Variants in SRGAP2 observed in about 807,000 individuals in gnomAD.
The protein encoded by SRGAP2 is SLIT-ROBO Rho GTPase activating protein 2.
In SRGAP2, 15 loss-of-function variants were observed where a neutral mutation model predicts 57.2. That is an observed-to-expected ratio of 0.26 (90% CI 0.18 to 0.40). SRGAP2 has a LOEUF of 0.40. SRGAP2 is among the 10% of genes least tolerant of loss of function. The pLI, the probability that SRGAP2 is intolerant of heterozygous loss-of-function variation, is 1.00. For synonymous variants in SRGAP2, 249 were observed against 248.0 expected (o/e 1.00, Z -0.04); for missense variants, 520 against 669.6 (o/e 0.78, Z 2.47).
intron 4 of SRGAP2, among the ~76,000 whole-genome samples, chr1:206,358,920 G>A (rs1676674080): frequency 6.7e-6 from 1 of 149,804 alleles, no homozygotes; most frequent in Non-Finnish European, 1.5e-5. Flanking sequence ...TCCCAAAGCA[G>A]GTTACAATTT....
At chr1:206,425,018 GC>G (rs1439962280) in intron 13 of SRGAP2, among the ~76,000 whole-genome samples, 1 of 152,150 alleles carries the variant, frequency 6.6e-6, no homozygotes, top group Non-Finnish European at 1.5e-5. Context: ...TATTTTTCTT[GC>G]CCTGTTTCCT....
chr1:206,321,086 T>C (rs1673427469), intron 3 of SRGAP2, among the ~76,000 whole-genome samples: 1 of 145,066 alleles, frequency 6.9e-6, no homozygotes, highest in Non-Finnish European at 1.5e-5. Context: ...ATGCAATTCA[T>C]TCAATTGTCT....
chr1:206,446,306 G>T lies in SRGAP2; in HGVS notation c.2099+7G>T, dbSNP rs564155558. 1.3e-6 allele frequency: 1 copy of T among 780,602 alleles called. No individual in the cohort carries two copies. Among genetic ancestry groups the T allele is most frequent in the South Asian group, 1.3e-5 (1 of 74,616 alleles). The allele number at this position is 780,602 out of a possible 1,614,324, so 48.4% of individuals were successfully genotyped here. On this transcript the variant is annotated splice_region_variant and intron_variant, in intron 18 of 22. Transcript: ENST00000573034. ...GAAGCATGGAGGATTACTGGTAGGGGGGCTTGGGACGGGAGGAGGGGAGGG... is the reference window on the plus strand; with the variant it reads ...GAAGCATGGAGGATTACTGGTAGGGTGGCTTGGGACGGGAGGAGGGGAGGG...
At chr1:206,416,116 A>G (rs1659682473) in intron 11 of SRGAP2, 143 bp downstream of exon 11, 2 of 608,950 alleles carry the variant, frequency 3.3e-6, no homozygotes, top group African/African-American at 3.7e-5. Context: ...TGGATGTGGA[A>G]GCACACACCC....
At chr1:206,460,807 T>A (rs1232389005) in intron 22 of SRGAP2, among the ~76,000 whole-genome samples, 1 of 106,802 alleles carries the variant, frequency 9.4e-6, no homozygotes, top group Non-Finnish European at 1.9e-5. Context: ...TCTAAAAAAA[T>A]ATCAATTACT....
intron 3 of SRGAP2, among the ~76,000 whole-genome samples, chr1:206,324,641 C>T (rs376757839): frequency 2.6e-5 from 4 of 152,248 alleles, no homozygotes; most frequent in East Asian, 1.9e-4. Context: ...AGACAGGGAG[C>T]GTGTTCCTTG....
At chr1:206,234,521 C>T (rs1364884588) in intron 2 of SRGAP2, among the ~76,000 whole-genome samples, 1 of 152,194 alleles carries the variant, frequency 6.6e-6, no homozygotes, top group Admixed American at 6.5e-5. Context: ...CTTCTTTCCC[C>T]TACAGGGGCC....
intron 18 of SRGAP2, among the ~76,000 whole-genome samples, chr1:206,448,740 C>G (rs1011993026): frequency 1.3e-5 from 2 of 152,084 alleles, no homozygotes; most frequent in African/African-American, 4.8e-5. Context: ...TGCCTTTGAA[C>G]CTCTCCCCCG....
At chr1:206,457,830 C>T (rs1263159224) in intron 21 of SRGAP2, among the ~76,000 whole-genome samples, 1 of 152,198 alleles carries the variant, frequency 6.6e-6, no homozygotes, top group Admixed American at 6.5e-5. Flanking sequence ...GTTCAGCAGC[C>T]ATCCAAATCA....
rs193177025 is a variant in SRGAP2, at chr1:206,454,183, C to T, written c.2361-695C>T. Reference sequence around the variant, plus strand: ...TGAGTCTGCACCCTCCCAGCCTCTTCCCGGCTCGTTCTGCAGGGAAATCCT... The same window carrying T: ...TGAGTCTGCACCCTCCCAGCCTCTTTCCGGCTCGTTCTGCAGGGAAATCCT... On this transcript the variant is annotated intron_variant, in intron 20 of 22. Transcript: ENST00000573034. The surrounding 1 kb of genome is among the most constrained non-coding windows in gnomAD (Gnocchi z 4.3). The T allele has an allele frequency of 4.3e-6, 3 of 702,558 alleles. No homozygotes were observed. The highest frequency in any genetic ancestry group is 7.8e-6 in the Non-Finnish European group (3 of 384,982). 43.5% of individuals were successfully genotyped at this position (702,558 alleles called of 1,614,324 possible).
intron 15 of SRGAP2, chr1:206,437,734 G>C: frequency 1.9e-6 from 1 of 526,228 alleles, no homozygotes; most frequent in Non-Finnish European, 3.4e-6. Flanking sequence ...TGGCACAAGA[G>C]AGTTTATATT....
chr1:206,262,620 A>AT (rs1231296607), intron 2 of SRGAP2, among the ~76,000 whole-genome samples: 1 of 148,194 alleles, frequency 6.7e-6, no homozygotes. Flanking sequence ...ACTGGTGGAG[A>AT]TTAAAAAAAA....
intron 10 of SRGAP2, among the ~76,000 whole-genome samples, chr1:206,410,897 G>A (rs868921709): frequency 1.3e-5 from 2 of 152,194 alleles, no homozygotes; most frequent in Non-Finnish European, 2.9e-5. Flanking sequence ...CTCGGCTCTT[G>A]TTGCCCAGGC....
At chr1:206,425,085 A>C (rs1553365849) in intron 13 of SRGAP2, among the ~76,000 whole-genome samples, 1 of 152,206 alleles carries the variant, frequency 6.6e-6, no homozygotes. Flanking sequence ...CCTGCAGGCC[A>C]AATTTTGTAC....
At chr1:206,374,019 CTTTTT>C (rs56021600) in intron 4 of SRGAP2, among the ~76,000 whole-genome samples, 5 of 77,004 alleles carry the variant, frequency 6.5e-5, no homozygotes, top group African/African-American at 2.2e-4. Flanking sequence ...GATACACATT[CTTTTT>C]TTTTTTTTTT....
chr1:206,278,372 G>T (rs1670540249), intron 2 of SRGAP2, among the ~76,000 whole-genome samples: 1 of 138,918 alleles, frequency 7.2e-6, no homozygotes, highest in Non-Finnish European at 1.5e-5. Context: ...AAAGAGACAA[G>T]GTCTCTCTCT....
intron 2 of SRGAP2, among the ~76,000 whole-genome samples, chr1:206,278,262 A>G (rs1466161251): frequency 6.6e-6 from 1 of 150,786 alleles, no homozygotes; most frequent in East Asian, 1.9e-4. Context: ...TTAGAAGGTA[A>G]TAAGTACAGT....
intron 4 of SRGAP2, among the ~76,000 whole-genome samples, chr1:206,354,576 A>G (rs61816842): frequency 0.47 from 71,086 of 151,994 alleles, 16,977 homozygotes; most frequent in East Asian, 0.71. Flanking sequence ...TATCTGTTCA[A>G]TTGTTGATGG....
chr1:206,415,708 C>T (rs1659641920), intron 10 of SRGAP2, among the ~76,000 whole-genome samples, 181 bp from the exon 11 acceptor site: 2 of 152,124 alleles, frequency 1.3e-5, no homozygotes, highest in East Asian at 1.9e-4. Flanking sequence ...TATTAATCCA[C>T]CATGAAAATC....
Sources: gnomAD v4.1 joint callset for allele counts (sites outside exome capture counted in the v4.1 genomes callset) on GRCh38, gnomAD v4.1.1 for gene constraint, Gnocchi (gnomAD v3.1) non-coding constraint, MANE v1.5 for transcripts, NCBI Gene and HGNC (gene_info 2026-07-23, HGNC 2026-07-21) for gene names.